NOL4: variants seen among roughly 807,000 people sequenced by gnomAD.
NOL4 encodes cancer/testis antigen 125.
In NOL4, 17 loss-of-function variants were observed where a neutral mutation model predicts 75.9. The ratio of observed to expected loss-of-function variants is 0.22; its 90% CI spans 0.15 to 0.34. The LOEUF is 0.34. Ranked by LOEUF, NOL4 falls within the 10% of genes least tolerant of loss-of-function variation. The pLI, the probability that NOL4 is intolerant of heterozygous loss-of-function variation, is 1.00. For synonymous variants in NOL4, 292 were observed against 289.9 expected (o/e 1.01, Z -0.07); for missense variants, 614 against 793.5 (o/e 0.77, Z 2.72).
intron 10 of NOL4, among the ~76,000 whole-genome samples, chr18:33,862,677 C>T (rs894860119): frequency 3.9e-5 from 6 of 152,130 alleles, no homozygotes; most frequent in Middle Eastern, 3.2e-3. Context: ...AAAATGCTCA[C>T]CATCACTGGC....
chr18:34,157,467 G>A (rs2030630453), intron 1 of NOL4, among the ~76,000 whole-genome samples: 2 of 152,060 alleles, frequency 1.3e-5, no homozygotes, highest in South Asian at 4.1e-4. Flanking sequence ...CTGCAGGTAA[G>A]ATATATAGAA....
chr18:33,960,963 T>C (rs1385430030), intron 6 of NOL4, among the ~76,000 whole-genome samples: 1 of 152,092 alleles, frequency 6.6e-6, no homozygotes, highest in South Asian at 2.1e-4. Context: ...GCCAATCTAA[T>C]AGAATATATG....
At position 33,923,300 on chromosome 18, in the gene NOL4, T is replaced by C. The variant is rs1358784293; in HGVS notation, c.1542+19765A>G. Among the ~76,000 whole-genome samples, 5 of 152,136 alleles carry C rather than the reference T, an allele frequency of 3.3e-5. No individual in the cohort carries two copies. In the South Asian group the frequency reaches 8.3e-4, roughly 25 times the overall value. On this transcript the variant is annotated intron_variant, in intron 9 of 10. Coordinates refer to ENST00000261592, the MANE Select transcript of NOL4 (RefSeq NM_003787.5). ...GAATACATAGATTCTCTGTTGATCA[T>C]ACATATTATTAAAACTTTTATCCTT...
intron 5 of NOL4, among the ~76,000 whole-genome samples, chr18:34,084,257 A>G (rs1387908125): frequency 1.3e-5 from 2 of 152,070 alleles, no homozygotes; most frequent in African/African-American, 4.8e-5. Context: ...CTCCAGAGCT[A>G]GCAGACAGGA....
intron 2 of NOL4, among the ~76,000 whole-genome samples, chr18:34,119,873 C>T (rs868036291): frequency 2.6e-5 from 4 of 152,086 alleles, no homozygotes; most frequent in South Asian, 2.1e-4. Flanking sequence ...CCACCCGCCT[C>T]GGCCTCCCAA....
chr18:34,009,524 T>C (rs1022126035), intron 6 of NOL4, among the ~76,000 whole-genome samples: 2 of 151,998 alleles, frequency 1.3e-5, no homozygotes, highest in African/African-American at 4.8e-5. Context: ...ACTTCATTTA[T>C]TGTAAAACAT....
chr18:33,885,133 A>G (rs1248159231), intron 9 of NOL4, among the ~76,000 whole-genome samples: 1 of 151,292 alleles, frequency 6.6e-6, no homozygotes, highest in Admixed American at 6.6e-5. Context: ...ATGTTGATAT[A>G]AATTTATTTT....
chr18:34,078,927 T>C lies in NOL4; in HGVS notation c.772+14538A>G, dbSNP rs190700547. ...TAAGGTTAGCGGTTGTTACTAACAC[T>C]TGCACTTCAGGTAGGACTGGCATAA... On this transcript the variant is annotated intron_variant, in intron 5 of 10. Transcript: ENST00000261592. 5.8e-3 allele frequency among the ~76,000 whole-genome samples: 888 copies of C among 152,276 alleles called. 4 individuals are homozygous for C. The highest frequency in any genetic ancestry group is 0.011 in the Non-Finnish European group (724 of 68,004).
chr18:34,205,148 C>T (rs2036032139), intron 1 of NOL4, among the ~76,000 whole-genome samples: 1 of 152,010 alleles, frequency 6.6e-6, no homozygotes, highest in Admixed American at 6.6e-5. Flanking sequence ...TTACAGAATC[C>T]TAAGCTTTCA....
intron 9 of NOL4, among the ~76,000 whole-genome samples, chr18:33,912,799 T>A (rs372233348): frequency 4.6e-5 from 7 of 152,204 alleles, no homozygotes; most frequent in African/African-American, 1.7e-4. Context: ...GCCTAATTCA[T>A]CTATGCATTA....
At chr18:34,219,561 G>T (rs912946175) in intron 1 of NOL4, among the ~76,000 whole-genome samples, 1 of 152,132 alleles carries the variant, frequency 6.6e-6, no homozygotes, top group Non-Finnish European at 1.5e-5. Context: ...AACTACACTG[G>T]AACTACCAAA....
chr18:33,906,906 G>C (rs1184752125), intron 9 of NOL4, among the ~76,000 whole-genome samples: 1 of 152,092 alleles, frequency 6.6e-6, no homozygotes, highest in African/African-American at 2.4e-5. Flanking sequence ...AGCAGGGTCT[G>C]TTCTGTTATA....
intron 6 of NOL4, among the ~76,000 whole-genome samples, chr18:33,990,915 T>C (rs576075033): frequency 6.6e-6 from 1 of 152,120 alleles, no homozygotes; most frequent in South Asian, 2.1e-4. Context: ...CTTGTTATCA[T>C]AATGAATGCT....
intron 1 of NOL4, among the ~76,000 whole-genome samples, chr18:34,220,229 C>CT (rs2037204649): frequency 6.6e-6 from 1 of 152,174 alleles, no homozygotes; most frequent in Non-Finnish European, 1.5e-5. Context: ...ATCAGTCTCT[C>CT]TTTCTTTCAT....
chr18:33,945,498 A>G (rs1016464593), intron 8 of NOL4, among the ~76,000 whole-genome samples: 44 of 151,786 alleles, frequency 2.9e-4, no homozygotes, highest in African/African-American at 1.1e-3. Context: ...TAAAGCAGTA[A>G]AAGTTGTTAT....
At position 33,959,981 on chromosome 18, in the gene NOL4, T is replaced by C. The variant is rs570222345; in HGVS notation, c.1057-1563A>G. Among the ~76,000 whole-genome samples, 7 of 152,078 alleles carry C rather than the reference T, an allele frequency of 4.6e-5. No homozygotes were observed. The South Asian group carries it at 1.0e-3, about 22-fold the overall frequency. On this transcript the variant is annotated intron_variant, in intron 6 of 10. Coordinates refer to ENST00000261592, the MANE Select transcript of NOL4 (RefSeq NM_003787.5). ...TGCGTGTATGCACATGTGTGTATAA[T>C]TGAAAGAACATAAAATATGCATTGG...
rs528202996 is a variant in NOL4 at position 34,095,836 on chromosome 18, T to A, written c.640-2239A>T. Among the ~76,000 whole-genome samples, 6 of 152,270 alleles carry A rather than the reference T, an allele frequency of 3.9e-5. No individual in the cohort carries two copies. The South Asian group carries it at 1.0e-3, about 26-fold the overall frequency. On this transcript the variant is annotated intron_variant, in intron 4 of 10. Coordinates refer to ENST00000261592, the MANE Select transcript of NOL4 (RefSeq NM_003787.5). ...AAAATGTGTTACTAAAGTAGCTGTG[T>A]GTTTACATAAACATATAAACAGTCT...
intron 6 of NOL4, among the ~76,000 whole-genome samples, chr18:34,013,991 A>G (rs2074536826): frequency 1.3e-5 from 2 of 152,102 alleles, no homozygotes; most frequent in Middle Eastern, 3.4e-3. Flanking sequence ...AATTGAACCA[A>G]TAATGAGCAG....
chr18:34,007,573 A>G (rs542208077), intron 6 of NOL4, among the ~76,000 whole-genome samples: 2 of 152,162 alleles, frequency 1.3e-5, no homozygotes, highest in South Asian at 4.1e-4. Flanking sequence ...GCTTATATGT[A>G]TATATTCATA....
Sources: gnomAD v4.1 joint callset for allele counts (sites outside exome capture counted in the v4.1 genomes callset) on GRCh38, gnomAD v4.1.1 for gene constraint, MANE v1.5 for transcripts, NCBI Gene and HGNC (gene_info 2026-07-23, HGNC 2026-07-21) for gene names.